Variants in MLNR observed in about 807,000 individuals in gnomAD.
The protein encoded by MLNR is G protein-coupled receptor 38.
A neutral mutation model predicts 20.0 loss-of-function variants in MLNR; 16 were observed. The ratio of observed to expected loss-of-function variants is 0.80; its 90% CI spans 0.54 to 1.22. The LOEUF (loss-of-function observed/expected upper bound fraction) is 1.22. Ranked by LOEUF, MLNR falls within the 50% of genes most tolerant of loss-of-function variation. The pLI is 0.00. For synonymous variants in MLNR, 302 were observed against 287.2 expected, an observed-to-expected ratio of 1.05 and a Z score of -0.52; for missense variants, 630 against 592.3, an observed-to-expected ratio of 1.06 and a Z score of -0.66.
chr13:49,220,620 C>G lies in MLNR; in HGVS notation c.283C>G (p.Leu95Val). Residue 95 changes from leucine to valine, a missense_variant, in exon 1 of 2, where the codon CTG becomes GTG. Physicochemically the swap from Leu to Val is conservative, Grantham distance 32. Transcript: ENST00000218721. The surrounding 1 kb of genome is among the most constrained non-coding windows in gnomAD (Gnocchi z 4.4). ...CATCCTGCTCGGGCTGCCGTTCGAC[C>G]TGTACCGCCTCTGGCGCTCGCGGCC... ...LLILLGLPFD[L>V]YRLWRSRPWV... The G allele has an allele frequency of 1.2e-6, 2 of 1,612,132 alleles. No homozygotes were observed. The highest frequency in any genetic ancestry group is 1.7e-6 in the Non-Finnish European group (2 of 1,179,232).
In MLNR at chr13:49,220,753, C is replaced by G. The variant is rs750722944; in HGVS notation, c.416C>G (p.Ala139Gly). ...MTALSVERYL[A>G]ICRPLRARVL... ...GCGCTCAGCGTCGAGCGCTACCTGG[C>G]CATCTGCCGCCCGCTCCGCGCCCGC... The change falls in exon 1 of 2, where the codon GCC (alanine) becomes GGC (glycine). Residue 139 changes from alanine to glycine, a missense_variant. Ala to Gly is a moderately conservative substitution (Grantham distance 60, BLOSUM62 0). Coordinates refer to ENST00000218721, the MANE Select transcript of MLNR (RefSeq NM_001507.1). The surrounding 1 kb of genome is among the most constrained non-coding windows in gnomAD (Gnocchi z 4.4). The G allele has an allele frequency of 1.3e-6, 2 of 1,571,846 alleles. No individual in the cohort carries two copies. The highest frequency in any genetic ancestry group is 2.7e-5 in the African/African-American group (2 of 73,576).
In MLNR at chr13:49,220,420, G is replaced by T; in HGVS notation, c.83G>T (p.Arg28Leu). 5 of 1,529,820 alleles carry T rather than the reference G, an allele frequency of 3.3e-6. No individual in the cohort carries two copies. The highest frequency in any genetic ancestry group is 4.4e-6 in the Non-Finnish European group (5 of 1,143,344). 94.8% of individuals were successfully genotyped at this position (1,529,820 alleles called of 1,614,324 possible). ...PWPALPPCDERRCSPFPLGAL... is the reference protein window; with the variant it reads ...PWPALPPCDELRCSPFPLGAL... ...CCCGCGCTGCCGCCTTGCGACGAGC[G>T]CCGCTGCTCGCCCTTTCCCCTGGGG... The change falls in exon 1 of 2, where the codon CGC (arginine) becomes CTC (leucine). Residue 28 changes from arginine to leucine, a missense_variant. Transcript: ENST00000218721. This position sits in a 1 kb window ranked among gnomAD's most constrained non-coding sequence, Gnocchi z 4.4.
Position 49,221,189 on chromosome 13 carries a change from G to A in MLNR, c.852G>A (p.Pro284=), listed in dbSNP as rs1325964304. ...LWSSRRPLRG[P]AASGRERGHR... ...GCAGCCGGCGGCCGCTGCGAGGCCC[G>A]GCCGCCTCGGGGCGGGAGAGAGGCC... Residue 284 remains proline, a synonymous_variant, in exon 1 of 2, where the codon CCG becomes CCA. Transcript: ENST00000218721. 2.1e-5 allele frequency: 33 copies of A among 1,585,358 alleles called. No homozygotes were observed. Among genetic ancestry groups the A allele is most frequent in the East Asian group, 4.6e-5 (2 of 43,724 alleles).
chr13:49,221,329 C>T lies in MLNR; in HGVS notation c.901+91C>T, dbSNP rs574196080. On this transcript the variant is annotated intron_variant, in intron 1 of 1. Transcript: ENST00000218721. Reference sequence around the variant, plus strand: ...ACGCTGGGTCCCCTTCCCCTGCTCGCCCAGCTCTGGGCGCCGCTTCCAGCT... The same window carrying T: ...ACGCTGGGTCCCCTTCCCCTGCTCGTCCAGCTCTGGGCGCCGCTTCCAGCT... 2.6e-5 allele frequency: 35 copies of T among 1,359,448 alleles called. No individual in the cohort carries two copies. The African/African-American group carries it at 4.8e-4, about 19-fold the overall frequency. The allele number at this position is 1,359,448 out of a possible 1,614,324, so 84.2% of individuals were successfully genotyped here. A position where few individuals can be genotyped will look rare whatever the true frequency, so the allele number is the denominator to read the frequency against.
Position 49,220,469 on chromosome 13 carries a change from G to A in MLNR, c.132G>A (p.Val44=). The part of the protein sequence containing the change: ...PLGALVPVTA[V]CLCLFVVGVS... ...GGGCGCTGGTGCCGGTGACCGCTGT[G>A]TGCCTGTGCCTGTTCGTCGTCGGGG... The change falls in exon 1 of 2, where the codon GTG becomes GTA. Residue 44 remains valine, a synonymous_variant. Transcript: ENST00000218721. The surrounding 1 kb of genome is among the most constrained non-coding windows in gnomAD (Gnocchi z 4.4). The A allele has an allele frequency of 6.3e-7, 1 of 1,576,530 alleles. No individual in the cohort carries two copies.
chr13:49,220,566 C>G lies in MLNR; in HGVS notation c.229C>G (p.Leu77Val). 1 of 1,613,372 alleles carries G rather than the reference C, an allele frequency of 6.2e-7. No individual in the cohort carries two copies. The highest frequency in any genetic ancestry group is 1.3e-5 in the African/African-American group (1 of 75,006). Residue 77 changes from leucine (L) to valine (V), a missense_variant, in exon 1 of 2, where the codon CTG (leucine) becomes GTG (valine). Leu to Val is a conservative substitution (Grantham distance 32). Transcript: ENST00000218721. This position sits in a 1 kb window ranked among gnomAD's most constrained non-coding sequence, Gnocchi z 4.4. ...RDMRTTTNLYLGSMAVSDLLI... is the reference protein window; with the variant it reads ...RDMRTTTNLYVGSMAVSDLLI... ...CATGCGGACCACCACCAACTTGTAC[C>G]TGGGCAGCATGGCCGTGTCCGACCT...
At position 49,222,146 on chromosome 13, in the gene MLNR, T is replaced by C. The variant is rs565376653; in HGVS notation, c.1008T>C (p.Phe336=). ...DSRMMYFSQY[F]NIVALQLFYL... is the part of the protein sequence containing the mutation. Reference sequence around the variant, plus strand: ...GGATGATGTACTTCTCTCAGTACTTTAACATCGTCGCTCTGCAACTTTTCT... The same window carrying C: ...GGATGATGTACTTCTCTCAGTACTTCAACATCGTCGCTCTGCAACTTTTCT... The change falls in exon 2 of 2, where the codon TTT becomes TTC. Residue 336 remains phenylalanine, a synonymous_variant. Transcript: ENST00000218721. 5.5e-5 allele frequency: 88 copies of C among 1,614,156 alleles called. No individual in the cohort carries two copies. The East Asian group carries it at 1.8e-3, about 34-fold the overall frequency.
rs762682548 is a variant in MLNR, at chr13:49,221,054, C to T, written c.717C>T (p.Pro239=). Residue 239 remains proline, a synonymous_variant, in exon 1 of 2, where the codon CCC becomes CCT. Coordinates refer to ENST00000218721, the MANE Select transcript of MLNR (RefSeq NM_001507.1). The stretch of plus-strand genomic sequence containing the variant: ...TCAGCCGCGAATGCCGGCCGAGCCC[C>T]GCGCAGCTGGGCGCGCTGCGTGTCA... The part of the protein sequence containing the change: ...ALFSRECRPS[P]AQLGALRVML... The T allele has an allele frequency of 1.3e-6, 2 of 1,573,508 alleles. No homozygotes were observed. The highest frequency in any genetic ancestry group is 1.4e-5 in the African/African-American group (1 of 71,194).
In MLNR at chr13:49,221,368, C is replaced by A. The variant is rs1174040535; in HGVS notation, c.901+130C>A. ...CCGCTTCCAGCTCCCTTTCCTATTT[C>A]GATTCCAGCCTCCACCCGCCGGTAC... On this transcript the variant is annotated intron_variant, in intron 1 of 1. Transcript: ENST00000218721. 4 of 976,670 alleles carry A rather than the reference C, an allele frequency of 4.1e-6. No individual in the cohort carries two copies. In the East Asian group the frequency reaches 1.1e-4, roughly 27 times the overall value. The allele number at this position is 976,670 out of a possible 1,614,324, so 60.5% of individuals were successfully genotyped here. A position where few individuals can be genotyped will look rare whatever the true frequency, so the allele number is the denominator to read the frequency against.
In MLNR at chr13:49,221,328, G is replaced by A. The variant is rs9591245; in HGVS notation, c.901+90G>A. The stretch of plus-strand genomic sequence containing the variant: ...AACGCTGGGTCCCCTTCCCCTGCTC[G>A]CCCAGCTCTGGGCGCCGCTTCCAGC... On this transcript the variant is annotated intron_variant, in intron 1 of 1. Coordinates refer to ENST00000218721, the MANE Select transcript of MLNR (RefSeq NM_001507.1). 1,047 of 1,360,178 alleles carry A rather than the reference G, an allele frequency of 7.7e-4. 5 individuals are homozygous for A. The African/African-American group carries it at 0.013, about 17-fold the overall frequency. 84.3% of individuals were successfully genotyped at this position (1,360,178 alleles called of 1,614,324 possible). A position where few individuals can be genotyped will look rare whatever the true frequency, so the allele number is the denominator to read the frequency against.
rs1425492173 is a variant in MLNR, at chr13:49,220,347, C to T, written c.10C>T (p.Pro4Ser). Reference sequence around the variant, plus strand: ...GCCGCGCGGAGCACCCATGGGCAGCCCCTGGAACGGCAGCGACGGCCCCGA... The same window carrying T: ...GCCGCGCGGAGCACCCATGGGCAGCTCCTGGAACGGCAGCGACGGCCCCGA... MGS[P>S]WNGSDGPEGA... is the part of the protein sequence containing the mutation. Residue 4 changes from proline (P) to serine (S), a missense_variant, in exon 1 of 2, where the codon CCC becomes TCC. Coordinates refer to ENST00000218721, the MANE Select transcript of MLNR (RefSeq NM_001507.1). The surrounding 1 kb of genome is among the most constrained non-coding windows in gnomAD (Gnocchi z 4.4). 7 of 1,396,682 alleles carry T rather than the reference C, an allele frequency of 5.0e-6. No individual in the cohort carries two copies. The Admixed American group carries it at 1.3e-4, about 27-fold the overall frequency. The allele number at this position is 1,396,682 out of a possible 1,614,324, so 86.5% of individuals were successfully genotyped here.
At position 49,221,009 on chromosome 13, in the gene MLNR, C is replaced by A; in HGVS notation, c.672C>A (p.Thr224=). The A allele has an allele frequency of 2.6e-6, 4 of 1,531,942 alleles. No homozygotes were observed. The highest frequency in any genetic ancestry group is 3.5e-6 in the Non-Finnish European group (4 of 1,152,564). The allele number at this position is 1,531,942 out of a possible 1,614,324, so 94.9% of individuals were successfully genotyped here. Residue 224 remains threonine, a synonymous_variant, in exon 1 of 2, where the codon ACC becomes ACA. Coordinates refer to ENST00000218721, the MANE Select transcript of MLNR (RefSeq NM_001507.1). ...CGTCCCCGCCGTCGGGGCCCGAGAC[C>A]GCGGAGGCCGCGGCGCTGTTCAGCC... ...PPPSPPSGPE[T]AEAAALFSRE...
At position 49,221,226 on chromosome 13, in the gene MLNR, G is replaced by T; in HGVS notation, c.889G>T (p.Val297Phe). 5 of 1,577,360 alleles carry T rather than the reference G, an allele frequency of 3.2e-6. No individual in the cohort carries two copies. Among genetic ancestry groups the T allele is most frequent in the Non-Finnish European group, 4.3e-6 (5 of 1,170,156 alleles). Residue 297 changes from valine to phenylalanine, a missense_variant, in exon 1 of 2, where the codon GTC becomes TTC. Val to Phe is a conservative substitution (Grantham distance 50, BLOSUM62 -1). Coordinates refer to ENST00000218721, the MANE Select transcript of MLNR (RefSeq NM_001507.1). ...GCGGGAGAGAGGCCACCGGCAGACCGTCCGCGTCCTGCGTAAGTGGAGCCG... is the reference window on the plus strand; with the variant it reads ...GCGGGAGAGAGGCCACCGGCAGACCTTCCGCGTCCTGCGTAAGTGGAGCCG... ...SGRERGHRQTVRVLLVVVLAF... is the reference protein window; with the variant it reads ...SGRERGHRQTFRVLLVVVLAF...
chr13:49,220,612 C>T lies in MLNR; in HGVS notation c.275C>T (p.Pro92Leu), dbSNP rs202165616. ...GACCTACTCATCCTGCTCGGGCTGCCGTTCGACCTGTACCGCCTCTGGCGC... is the reference window on the plus strand; with the variant it reads ...GACCTACTCATCCTGCTCGGGCTGCTGTTCGACCTGTACCGCCTCTGGCGC... Reference protein sequence around the residue: ...VSDLLILLGLPFDLYRLWRSR... With the variant: ...VSDLLILLGLLFDLYRLWRSR... Residue 92 changes from proline to leucine, a missense_variant, in exon 1 of 2, where the codon CCG (proline) becomes CTG (leucine). Physicochemically the swap from Pro to Leu is moderately conservative, Grantham distance 98. Coordinates refer to ENST00000218721, the MANE Select transcript of MLNR (RefSeq NM_001507.1). This position sits in a 1 kb window ranked among gnomAD's most constrained non-coding sequence, Gnocchi z 4.4. 3.7e-6 allele frequency: 6 copies of T among 1,612,800 alleles called. No homozygotes were observed. The highest frequency in any genetic ancestry group is 1.1e-5 in the South Asian group (1 of 90,956).
intron 1 of MLNR, chr13:49,221,464 G>A (rs1380433669): frequency 1.8e-6 from 1 of 567,494 alleles, no homozygotes. Context: ...CTTTGAGGGT[G>A]GGATCCCCGG....
rs752971047 is a variant in MLNR, at chr13:49,221,100, T to C, written c.763T>C (p.Tyr255His). The change falls in exon 1 of 2, where the codon TAC becomes CAC. Residue 255 changes from tyrosine to histidine, a missense_variant. Coordinates refer to ENST00000218721, the MANE Select transcript of MLNR (RefSeq NM_001507.1). ...TGTCATGCTGTGGGTCACCACCGCC[T>C]ACTTCTTCCTGCCCTTTCTGTGCCT... Reference protein sequence around the residue: ...LRVMLWVTTAYFFLPFLCLSI... With the variant: ...LRVMLWVTTAHFFLPFLCLSI... 6.3e-7 allele frequency: 1 copy of C among 1,591,008 alleles called. No individual in the cohort carries two copies. Among genetic ancestry groups the C allele is most frequent in the East Asian group, 2.3e-5 (1 of 43,602 alleles).
At position 49,222,153 on chromosome 13, in the gene MLNR, G is replaced by A. The variant is rs1362328067; in HGVS notation, c.1015G>A (p.Val339Ile). The change falls in exon 2 of 2, where the codon GTC (valine) becomes ATC (isoleucine). Residue 339 changes from valine to isoleucine, a missense_variant. Physicochemically the swap from Val to Ile is conservative, Grantham distance 29. Transcript: ENST00000218721. ...GTACTTCTCTCAGTACTTTAACATC[G>A]TCGCTCTGCAACTTTTCTATCTGAG... The part of the protein sequence containing the change: ...MMYFSQYFNI[V>I]ALQLFYLSAS... The A allele has an allele frequency of 6.2e-7, 1 of 1,613,982 alleles. No individual in the cohort carries two copies. The highest frequency in any genetic ancestry group is 1.7e-5 in the Admixed American group (1 of 59,986).
rs769275756 is a variant in MLNR, at chr13:49,220,536, C to T, written c.199C>T (p.Arg67Trp). The change falls in exon 1 of 2, where the codon CGG becomes TGG. Residue 67 changes from arginine (R) to tryptophan (W), a missense_variant. By Grantham distance (101) the Arg-to-Trp change is moderately radical (BLOSUM62 -3). Transcript: ENST00000218721. This position sits in a 1 kb window ranked among gnomAD's most constrained non-coding sequence, Gnocchi z 4.4. ...VVTVMLIGRYRDMRTTTNLYL... is the reference protein window; with the variant it reads ...VVTVMLIGRYWDMRTTTNLYL... ...GACCGTGATGCTGATCGGGCGCTAC[C>T]GGGACATGCGGACCACCACCAACTT... 1.4e-5 allele frequency: 22 copies of T among 1,611,398 alleles called. No individual in the cohort carries two copies. Among genetic ancestry groups the T allele is most frequent in the East Asian group, 9.0e-5 (4 of 44,592 alleles).
rs200724367 is a variant in MLNR, at chr13:49,220,787, C to A, written c.450C>A (p.Val150=). 97 of 1,565,122 alleles carry A rather than the reference C, an allele frequency of 6.2e-5. No homozygotes were observed. In the African/African-American group the frequency reaches 1.3e-3, roughly 21 times the overall value. Residue 150 remains valine, a synonymous_variant, in exon 1 of 2, where the codon GTC becomes GTA. Coordinates refer to ENST00000218721, the MANE Select transcript of MLNR (RefSeq NM_001507.1). The surrounding 1 kb of genome is among the most constrained non-coding windows in gnomAD (Gnocchi z 4.4). ...GCCCGCTCCGCGCCCGCGTCTTGGT[C>A]ACCCGGCGCCGCGTCCGCGCGCTCA... ...ICRPLRARVL[V]TRRRVRALIA... is the part of the protein sequence containing the mutation.
Sources: gnomAD v4.1 joint callset for allele counts on GRCh38, gnomAD v4.1.1 for gene constraint, Gnocchi (gnomAD v3.1) non-coding constraint, MANE v1.5 for transcripts, NCBI Gene and HGNC (gene_info 2026-07-23, HGNC 2026-07-21) for gene names.